The following CRISP2 variants were observed in gnomAD, a reference collection of about 807,000 sequenced individuals.
The protein encoded by CRISP2 is cysteine rich secretory protein 2, also known as cysteine-rich secretory protein 2.
CRISP2 carries 29 observed loss-of-function variants against 31.7 expected under a neutral mutation model. The observed-to-expected ratio is 0.92, with a 90% CI of 0.68 to 1.25. CRISP2 has a LOEUF of 1.25. CRISP2 is among the 50% of genes most tolerant of loss of function. The probability of loss-of-function intolerance (pLI) is 0.00; values close to 1 mark genes in which losing one functional copy is unlikely to be tolerated. For synonymous variants in CRISP2, 111 were observed against 101.4 expected, an observed-to-expected ratio of 1.09 and a Z score of -0.57; for missense variants, 318 against 286.5, an observed-to-expected ratio of 1.11 and a Z score of -0.79.
At chr6:49,677,274 A>C in the CRISP2 span, among the ~76,000 whole-genome samples, 1 of 152,152 alleles carries the variant, frequency 6.6e-6, no homozygotes, top group Non-Finnish European at 1.5e-5. Flanking sequence ...AGATATTTTT[A>C]CTTTGTCTTT....
intron 3 of CRISP2, among the ~76,000 whole-genome samples, chr6:49,709,637 G>A (rs1229643450): frequency 6.6e-5 from 10 of 152,098 alleles, no homozygotes; most frequent in Non-Finnish European, 8.8e-5. Context: ...AAAGTAAAAC[G>A]GTTTGTCCTT....
chr6:49,703,762 GC>G (rs1176788715), intron 4 of CRISP2, among the ~76,000 whole-genome samples: 1 of 152,140 alleles, frequency 6.6e-6, no homozygotes. Context: ...GTTACCTGAT[GC>G]TTTTGCCTCA....
chr6:49,709,686 G>C (rs1186338202), intron 3 of CRISP2, among the ~76,000 whole-genome samples: 1 of 152,184 alleles, frequency 6.6e-6, no homozygotes, highest in Non-Finnish European at 1.5e-5. Flanking sequence ...ACAAGGTTGT[G>C]ATTACACAGA....
chr6:49,695,410 A>T (rs903916825), intron 9 of CRISP2, among the ~76,000 whole-genome samples: 1 of 152,204 alleles, frequency 6.6e-6, no homozygotes, highest in African/African-American at 2.4e-5. Flanking sequence ...ACACATTAGC[A>T]CAAATAAACA....
At chr6:49,681,355 A>T in the CRISP2 span, among the ~76,000 whole-genome samples, 2 of 151,936 alleles carry the variant, frequency 1.3e-5, no homozygotes, top group Non-Finnish European at 2.9e-5. Context: ...TGGTCTGTTT[A>T]TCTGTTTTTG....
At chr6:49,677,491 A>G in the CRISP2 span, among the ~76,000 whole-genome samples, 1 of 152,086 alleles carries the variant, frequency 6.6e-6, no homozygotes, top group African/African-American at 2.4e-5. Flanking sequence ...GATGACAACT[A>G]TTCTCTTCTT....
At chr6:49,682,603 CTT>C in the CRISP2 span, among the ~76,000 whole-genome samples, 4 of 62,394 alleles carry the variant, frequency 6.4e-5, no homozygotes, top group African/African-American at 4.3e-4. Context: ...TTCTTTCTTT[CTT>C]TCTTTCTTTC....
At chr6:49,701,709 C>T (rs1259174799) in intron 4 of CRISP2, among the ~76,000 whole-genome samples, 480 of 45,526 alleles carry the variant, frequency 0.011, 11 homozygotes, top group African/African-American at 0.027. Context: ...ATTATGTATA[C>T]ATATATAATG....
At chr6:49,691,194 C>T (rs185027388), downstream of CRISP2, among the ~76,000 whole-genome samples, 89 of 152,144 alleles carry the variant, frequency 5.8e-4, no homozygotes, top group Non-Finnish European at 9.3e-4. Flanking sequence ...ATGAGAACCA[C>T]TCAAGTGGAA....
intron 4 of CRISP2, among the ~76,000 whole-genome samples, chr6:49,702,154 T>TGTGTACATATATATATATATATGTGTAC (rs1263956320): frequency 1.2e-4 from 7 of 57,660 alleles, no homozygotes; most frequent in African/African-American, 4.2e-4. Flanking sequence ...TATATATATA[T>TGTGTACATATATATATATATATGTGTAC]ATATATATAT....
chr6:49,709,215 G>T lies in CRISP2; in HGVS notation c.-9-10C>A. On this transcript the variant is annotated splice_polypyrimidine_tract_variant and intron_variant, in intron 3 of 9. Transcript: ENST00000339139. The stretch of plus-strand genomic sequence containing the variant: ...AAGCCATTGCTGGAAACTAAGTCAA[G>T]AAAAACAAAGGTCTGCATTGAAATA... 1 of 1,610,686 alleles carries T rather than the reference G, an allele frequency of 6.2e-7. No homozygotes were observed. The highest frequency in any genetic ancestry group is 8.5e-7 in the Non-Finnish European group (1 of 1,178,558).
the CRISP2 span, among the ~76,000 whole-genome samples, chr6:49,677,033 G>A: frequency 2.0e-5 from 3 of 152,144 alleles, no homozygotes; most frequent in Admixed American, 6.6e-5. Context: ...GTAGTAAGCA[G>A]TGACCAGTTA....
At chr6:49,700,807 T>G (rs748093961) in intron 4 of CRISP2, 23 bp from the exon 5 acceptor site, 1 of 1,378,088 alleles carries the variant, frequency 7.3e-7, no homozygotes, top group East Asian at 2.3e-5. Context: ...AAAATTGGAA[T>G]TATTATTTAA....
Position 49,699,622 on chromosome 6 carries a change from TAAAA to T in CRISP2, c.271+178_271+181del, listed in dbSNP as rs545611727. ...AAAATTATTTGCATAATGTACACAA[TAAAA>T]AAACACAAAATTGTTCTTATTGTAA... On this transcript the variant is annotated intron_variant, in intron 6 of 9. Coordinates refer to ENST00000339139, the MANE Select transcript of CRISP2 (RefSeq NM_003296.4). 6.3e-4 allele frequency among the ~76,000 whole-genome samples: 96 copies of T among 152,148 alleles called. 1 individual carries two copies. The highest frequency in any genetic ancestry group is 8.7e-4 in the Non-Finnish European group (59 of 67,960).
chr6:49,681,080 C>T, the CRISP2 span, among the ~76,000 whole-genome samples: 8 of 152,162 alleles, frequency 5.3e-5, no homozygotes, highest in South Asian at 8.3e-4. Context: ...TGCCTATGCC[C>T]TAAATGGTAT....
In CRISP2 at chr6:49,699,949, C is replaced by T. The variant is rs566624273; in HGVS notation, c.184-58G>A. 178 of 1,392,838 alleles carry T rather than the reference C, an allele frequency of 1.3e-4. 2 individuals are homozygous for T. In the South Asian group the frequency reaches 2.0e-3, roughly 16 times the overall value. 86.3% of individuals were successfully genotyped at this position (1,392,838 alleles called of 1,614,324 possible). On this transcript the variant is annotated intron_variant, in intron 5 of 9. Transcript: ENST00000339139. ...TGATTCAGCCACAATGAAACATACA[C>T]TTTATAATCTGATTTGTAAATACTT...
intron 9 of CRISP2, 98 bp from the exon 10 acceptor site, chr6:49,692,998 A>AATTTACTGATTTAC: frequency 7.8e-7 from 1 of 1,276,374 alleles, no homozygotes; most frequent in Non-Finnish European, 1.1e-6. Flanking sequence ...GAGGGAACAA[A>AATTTACTGATTTAC]CAAGTTAGCA....
chr6:49,701,710 A>AT (rs1261702938), intron 4 of CRISP2, among the ~76,000 whole-genome samples: 19 of 109,988 alleles, frequency 1.7e-4, no homozygotes, highest in African/African-American at 5.9e-4. Flanking sequence ...TTATGTATAC[A>AT]TATATAATGT....
chr6:49,689,270 A>G (rs1763978191), downstream of CRISP2, among the ~76,000 whole-genome samples: 1 of 152,214 alleles, frequency 6.6e-6, no homozygotes, highest in African/African-American at 2.4e-5. Flanking sequence ...CATATTTAAA[A>G]TTATATTACA....
Sources: gnomAD v4.1 joint callset for allele counts (sites outside exome capture counted in the v4.1 genomes callset) on GRCh38, gnomAD v4.1.1 for gene constraint, MANE v1.5 for transcripts, NCBI Gene and HGNC (gene_info 2026-07-23, HGNC 2026-07-21) for gene names.